Variants in BCAT1 observed in about 807,000 individuals in gnomAD.
The protein encoded by BCAT1 is branched-chain-amino-acid aminotransferase, cytosolic.
In BCAT1, 48 loss-of-function variants were observed where a neutral mutation model predicts 52.4. The ratio of observed to expected loss-of-function variants is 0.92; its 90% CI spans 0.73 to 1.16. The LOEUF (loss-of-function observed/expected upper bound fraction) is 1.16. Among genes scored for constraint, BCAT1 ranks in the 50% most tolerant of loss-of-function variants. BCAT1 has a pLI of 0.00. For synonymous variants in BCAT1, 167 were observed against 161.3 expected (o/e 1.04, Z -0.27); for missense variants, 451 against 457.1 (o/e 0.99, Z 0.12).
intron 1 of BCAT1, among the ~76,000 whole-genome samples, chr12:24,913,962 G>A (rs1340724030): frequency 2.0e-5 from 3 of 152,226 alleles, no homozygotes; most frequent in Admixed American, 6.5e-5. Flanking sequence ...TGTTTCTATG[G>A]CCCACTTTGG....
intron 1 of BCAT1, among the ~76,000 whole-genome samples, chr12:24,919,864 C>A (rs2139719168): frequency 6.6e-6 from 1 of 152,252 alleles, no homozygotes; most frequent in Middle Eastern, 3.4e-3. Context: ...TCTCATGTTA[C>A]CTGATGGTTT....
chr12:24,927,823 A>C (rs1943614970), intron 1 of BCAT1, among the ~76,000 whole-genome samples: 2 of 152,236 alleles, frequency 1.3e-5, no homozygotes, highest in African/African-American at 4.8e-5. Flanking sequence ...TTGGGAGAGT[A>C]CAACCAGAAA....
At chr12:24,842,249 G>T in intron 6 of BCAT1, 25 bp from the exon 7 acceptor site, 1 of 1,611,738 alleles carries the variant, frequency 6.2e-7, no homozygotes, top group Non-Finnish European at 8.5e-7. Context: ...AAATACACAG[G>T]TTACAAACAT....
rs142332596 is a variant in BCAT1, at chr12:24,915,709, G to A, written c.7-13824C>T. Among the ~76,000 whole-genome samples the A allele has an allele frequency of 3.4e-4, 52 of 152,288 alleles. No homozygotes were observed. In the East Asian group the frequency reaches 9.4e-3, roughly 28 times the overall value. Reference sequence around the variant, plus strand: ...ATGTCTGGATTTTCCTCTCAAAGTGGATTACCCATGCCTAGGAGATAACGG... The same window carrying A: ...ATGTCTGGATTTTCCTCTCAAAGTGAATTACCCATGCCTAGGAGATAACGG... On this transcript the variant is annotated intron_variant, in intron 1 of 10. Coordinates refer to ENST00000261192, the MANE Select transcript of BCAT1 (RefSeq NM_005504.7).
At chr12:24,879,869 GA>G (rs554593378) in intron 4 of BCAT1, among the ~76,000 whole-genome samples, 59 of 152,284 alleles carry the variant, frequency 3.9e-4, no homozygotes, top group Non-Finnish European at 4.1e-4. Context: ...CACAGATAAG[GA>G]ATGTGAAACT....
intron 10 of BCAT1, among the ~76,000 whole-genome samples, chr12:24,821,670 G>A (rs1020862255): frequency 1.2e-4 from 18 of 152,240 alleles, no homozygotes; most frequent in African/African-American, 3.6e-4. Context: ...TACTGCATAC[G>A]CATTATACCC....
chr12:24,855,361 T>A (rs536735431), intron 5 of BCAT1, among the ~76,000 whole-genome samples: 3 of 151,740 alleles, frequency 2.0e-5, no homozygotes, highest in African/African-American at 7.3e-5. Flanking sequence ...GACTGAATTA[T>A]CACCATTCTT....
At chr12:24,831,802 T>C (rs1940678560) in intron 9 of BCAT1, among the ~76,000 whole-genome samples, 2 of 152,260 alleles carry the variant, frequency 1.3e-5, no homozygotes, top group African/African-American at 2.4e-5. Context: ...CTTTAAGTTA[T>C]AAAGTTAGAT....
intron 3 of BCAT1, 66 bp downstream of exon 3, chr12:24,894,206 CAGG>C (rs1177534526): frequency 2.0e-6 from 3 of 1,463,800 alleles, no homozygotes; most frequent in African/African-American, 1.4e-5. Flanking sequence ...GCTATTTTAG[CAGG>C]AGAAGCTACT....
intron 9 of BCAT1, 146 bp downstream of exon 9, chr12:24,832,577 T>A (rs1940714711): frequency 2.0e-6 from 2 of 1,008,688 alleles, no homozygotes; most frequent in African/African-American, 1.6e-5. Flanking sequence ...CGAGACTCCA[T>A]CTCTTTAAAA....
At position 24,894,317 on chromosome 12, in the gene BCAT1, C is replaced by T. The variant is rs772493393; in HGVS notation, c.237G>A (p.Leu79=). Residue 79 remains leucine, a synonymous_variant, in exon 3 of 11, where the codon CTG becomes CTA. Coordinates refer to ENST00000261192, the MANE Select transcript of BCAT1 (RefSeq NM_005504.7). ...EKPHIKPLQN[L]SLHPGSSALH... ...AAGCTGATGAGCCAGGGTGCAATGA[C>T]AGGTTCTGAAGAGGCTTGATATGAG... 3.1e-6 allele frequency: 5 copies of T among 1,613,852 alleles called. No homozygotes were observed. Among genetic ancestry groups the T allele is most frequent in the African/African-American group, 1.3e-5 (1 of 74,910 alleles).
At chr12:24,842,015 G>T in intron 7 of BCAT1, 67 bp downstream of exon 7, 4 of 1,554,700 alleles carry the variant, frequency 2.6e-6, no homozygotes, top group Non-Finnish European at 3.5e-6. Context: ...TAAGTTTCTA[G>T]CTCTTGTCTT....
chr12:24,834,522 G>C (rs557137049), intron 8 of BCAT1: 2 of 975,808 alleles, frequency 2.0e-6, no homozygotes, highest in East Asian at 1.1e-4. Flanking sequence ...AATAAAAATA[G>C]AGAGGTTTAA....
chr12:24,885,686 C>T (rs1359903807), intron 3 of BCAT1, among the ~76,000 whole-genome samples: 1 of 152,130 alleles, frequency 6.6e-6, no homozygotes, highest in Non-Finnish European at 1.5e-5. Flanking sequence ...AAGACTGTGG[C>T]ATTTATGCAG....
At chr12:24,931,426 AATC>A (rs949855280) in intron 1 of BCAT1, among the ~76,000 whole-genome samples, 1 of 152,182 alleles carries the variant, frequency 6.6e-6, no homozygotes, top group South Asian at 2.1e-4. Flanking sequence ...GAGGAGACGA[AATC>A]ATCAAAGATA....
intron 6 of BCAT1, among the ~76,000 whole-genome samples, chr12:24,849,376 C>T (rs976423228): frequency 1.3e-5 from 2 of 152,228 alleles, no homozygotes; most frequent in African/African-American, 4.8e-5. Flanking sequence ...CTGGAGCCAA[C>T]TGAGAGCCTG....
intron 10 of BCAT1, among the ~76,000 whole-genome samples, chr12:24,819,304 G>A (rs961502853): frequency 1.3e-5 from 2 of 152,076 alleles, no homozygotes; most frequent in South Asian, 2.1e-4. Flanking sequence ...ATTTTCACAC[G>A]AAATGGCTCT....
At chr12:24,829,789 A>C in intron 10 of BCAT1, 34 bp downstream of exon 10, 1 of 1,531,820 alleles carries the variant, frequency 6.5e-7, no homozygotes, top group Non-Finnish European at 8.9e-7. Flanking sequence ...AAGAAAAGAA[A>C]AGGAAAGAAA....
chr12:24,892,369 C>G (rs1376917631), intron 3 of BCAT1, among the ~76,000 whole-genome samples: 2 of 152,132 alleles, frequency 1.3e-5, no homozygotes, highest in African/African-American at 2.4e-5. Flanking sequence ...CCAAAAATGA[C>G]ATTAAATCAT....
Sources: gnomAD v4.1 joint callset for allele counts (sites outside exome capture counted in the v4.1 genomes callset) on GRCh38, gnomAD v4.1.1 for gene constraint, MANE v1.5 for transcripts, NCBI Gene and HGNC (gene_info 2026-07-23, HGNC 2026-07-21) for gene names.